PPP6R3: variants seen among roughly 807,000 people sequenced by gnomAD.
The protein encoded by PPP6R3 is serine/threonine-protein phosphatase 6 regulatory subunit 3.
PPP6R3 carries 38 observed loss-of-function variants against 110.7 expected under a neutral mutation model. The ratio of observed to expected loss-of-function variants is 0.34; its 90% confidence interval spans 0.26 to 0.45. The LOEUF (loss-of-function observed/expected upper bound fraction) is 0.45. Among genes scored for constraint, PPP6R3 ranks in the 20% least tolerant of loss-of-function variants. The probability of loss-of-function intolerance (pLI) is 1.00; values close to 1 mark genes in which losing one functional copy is unlikely to be tolerated. For missense variants in PPP6R3, 870 were observed against 1,062.4 expected (o/e 0.82, Z 2.52); for synonymous variants, 369 against 373.5 (o/e 0.99, Z 0.14).
At chr11:68,548,521 C>T (rs1296689705) in intron 5 of PPP6R3, among the ~76,000 whole-genome samples, 1 of 152,040 alleles carries the variant, frequency 6.6e-6, no homozygotes, top group Non-Finnish European at 1.5e-5. Flanking sequence ...GAAGCTGGTT[C>T]TGATGGTAAA....
chr11:68,590,842 C>A, intron 17 of PPP6R3, 128 bp downstream of exon 17: 1 of 1,134,234 alleles, frequency 8.8e-7, no homozygotes, highest in Non-Finnish European at 1.2e-6. Flanking sequence ...GTGTTACATA[C>A]TTCACTCTGT....
intron 3 of PPP6R3, among the ~76,000 whole-genome samples, chr11:68,541,411 A>G (rs1465633346): frequency 6.6e-6 from 1 of 152,214 alleles, no homozygotes; most frequent in East Asian, 1.9e-4. Flanking sequence ...CAGAGGCACT[A>G]GATGAAGTTA....
chr11:68,492,557 A>G (rs2098990597), intron 1 of PPP6R3, among the ~76,000 whole-genome samples: 1 of 152,236 alleles, frequency 6.6e-6, no homozygotes, highest in Non-Finnish European at 1.5e-5. Flanking sequence ...GGCCATTGAG[A>G]GTGATGCTGC....
chr11:68,614,464 G>GT lies in PPP6R3; in HGVS notation c.*1352dup, dbSNP rs1167380545. On this transcript the variant is annotated 3_prime_UTR_variant, in exon 24 of 24. Coordinates refer to ENST00000393800, the MANE Select transcript of PPP6R3 (RefSeq NM_001164161.2). Reference sequence around the variant, plus strand: ...TTATTCACGTATTTTTACATCATTTGTTTTTCCTGACCAGTATTTAAAACC... The same window carrying GT: ...TTATTCACGTATTTTTACATCATTTGTTTTTTCCTGACCAGTATTTAAAACC... 11 of 1,364,074 alleles carry GT rather than the reference G, an allele frequency of 8.1e-6. No individual in the cohort carries two copies. The African/African-American group carries it at 1.5e-4, about 19-fold the overall frequency. 84.5% of individuals were successfully genotyped at this position (1,364,074 alleles called of 1,614,324 possible).
At chr11:68,552,516 A>G (rs2099385174) in intron 6 of PPP6R3, among the ~76,000 whole-genome samples, 1 of 152,240 alleles carries the variant, frequency 6.6e-6, no homozygotes, top group African/African-American at 2.4e-5. Context: ...CAGAGTTGAC[A>G]TTGTGGACAC....
chr11:68,503,419 C>T (rs1489567113), intron 1 of PPP6R3, among the ~76,000 whole-genome samples: 24 of 152,152 alleles, frequency 1.6e-4, no homozygotes, highest in Non-Finnish European at 1.5e-5. Context: ...ACAGCCTGAC[C>T]TCTGTGGGAG....
intron 1 of PPP6R3, among the ~76,000 whole-genome samples, chr11:68,492,750 T>C (rs1438374409): frequency 1.3e-5 from 2 of 152,234 alleles, no homozygotes; most frequent in Admixed American, 6.5e-5. Context: ...GGGTTCCACT[T>C]TGCCCACATT....
chr11:68,473,581 C>G (rs1166203623), intron 1 of PPP6R3, among the ~76,000 whole-genome samples: 1 of 152,184 alleles, frequency 6.6e-6, no homozygotes, highest in Non-Finnish European at 1.5e-5. Flanking sequence ...GTAAAACAAC[C>G]TGGAGCTTGT....
intron 1 of PPP6R3, among the ~76,000 whole-genome samples, chr11:68,490,173 T>C (rs1025966953): frequency 5.3e-5 from 8 of 152,176 alleles, no homozygotes; most frequent in Admixed American, 3.3e-4. Context: ...TTTGTCTCTT[T>C]CACTTTGAAG....
intron 1 of PPP6R3, among the ~76,000 whole-genome samples, chr11:68,508,654 G>A (rs1270585850): frequency 6.6e-6 from 1 of 152,086 alleles, no homozygotes; most frequent in Non-Finnish European, 1.5e-5. Context: ...TTGTGGTTTT[G>A]GTGTTTTAGT....
intron 3 of PPP6R3, among the ~76,000 whole-genome samples, chr11:68,543,722 G>A (rs554769897): frequency 6.6e-6 from 1 of 152,222 alleles, no homozygotes; most frequent in Non-Finnish European, 1.5e-5. Context: ...TTGTTGGGGC[G>A]CTGGGTCCTG....
At chr11:68,559,814 A>G (rs190428352) in intron 8 of PPP6R3, among the ~76,000 whole-genome samples, 7,354 of 80,792 alleles carry the variant, frequency 0.091, 192 homozygotes, top group Middle Eastern at 0.15. Context: ...GCGGTACAGT[A>G]CCCTCTTCCC....
chr11:68,597,760 C>G (rs1335383139), intron 19 of PPP6R3, among the ~76,000 whole-genome samples: 1 of 148,654 alleles, frequency 6.7e-6, no homozygotes, highest in Non-Finnish European at 1.5e-5. Context: ...AGGCGGATCA[C>G]TTGAGGCCAG....
At chr11:68,542,393 T>TTTTTTTTTG (rs1555132380) in intron 3 of PPP6R3, among the ~76,000 whole-genome samples, 3,266 of 99,416 alleles carry the variant, frequency 0.033, 304 homozygotes, top group Middle Eastern at 0.057. Context: ...GCTGCTGTTT[T>TTTTTTTTTG]TTTTTTTTTT....
intron 2 of PPP6R3, among the ~76,000 whole-genome samples, chr11:68,525,447 A>G (rs572640170): frequency 3.0e-4 from 45 of 152,332 alleles, no homozygotes; most frequent in Admixed American, 2.6e-3. Context: ...TCAGTAGTCT[A>G]TGAATCTACT....
chr11:68,552,020 T>G (rs1363293943), intron 6 of PPP6R3, among the ~76,000 whole-genome samples: 1 of 152,204 alleles, frequency 6.6e-6, no homozygotes, highest in African/African-American at 2.4e-5. Flanking sequence ...ATTTGGAGTT[T>G]GCAGATTGAA....
chr11:68,490,623 TTC>T (rs1288351666), intron 1 of PPP6R3, among the ~76,000 whole-genome samples: 1 of 152,060 alleles, frequency 6.6e-6, no homozygotes, highest in Non-Finnish European at 1.5e-5. Flanking sequence ...CTTGGATATT[TTC>T]TGTTTTTTTT....
chr11:68,598,433 G>T (rs1353734432), intron 19 of PPP6R3, among the ~76,000 whole-genome samples: 1 of 152,172 alleles, frequency 6.6e-6, no homozygotes. Context: ...CCTGGATGAG[G>T]TTCGCGTTTA....
intron 5 of PPP6R3, among the ~76,000 whole-genome samples, chr11:68,549,934 G>A (rs1433509514): frequency 6.6e-6 from 1 of 152,202 alleles, no homozygotes; most frequent in Non-Finnish European, 1.5e-5. Flanking sequence ...TGTGGAGACA[G>A]CAGGAGTCTG....
Sources: allele counts gnomAD v4.1 joint callset (sites outside exome capture counted in the v4.1 genomes callset), GRCh38; gene constraint gnomAD v4.1.1; transcripts MANE v1.5; gene names NCBI Gene and HGNC (gene_info 2026-07-23, HGNC 2026-07-21).